DTNA: variants seen among roughly 807,000 people sequenced by gnomAD.
DTNA encodes the protein dystrobrevin alpha.
In DTNA, 43 loss-of-function variants were observed where a neutral mutation model predicts 100.7. The ratio of observed to expected loss-of-function variants is 0.43; its 90% CI spans 0.33 to 0.55. The LOEUF is 0.55. DTNA is among the 20% of genes least tolerant of loss of function. The probability of loss-of-function intolerance (pLI) is 0.04; values close to 1 mark genes in which losing one functional copy is unlikely to be tolerated. For missense variants in DTNA, 798 were observed against 953.9 expected, an observed-to-expected ratio of 0.84 and a Z score of 2.15; for synonymous variants, 349 against 347.9, an observed-to-expected ratio of 1.00 and a Z score of -0.04.
At chr18:34,743,936 T>A (rs2091153237) in intron 1 of DTNA, among the ~76,000 whole-genome samples, 1 of 151,852 alleles carries the variant, frequency 6.6e-6, no homozygotes, top group Admixed American at 6.6e-5. Context: ...CTTCCTTATC[T>A]CAAAAGACGC....
chr18:34,623,993 C>A (rs2056939697), intron 1 of DTNA, among the ~76,000 whole-genome samples: 1 of 152,124 alleles, frequency 6.6e-6, no homozygotes, highest in Non-Finnish European at 1.5e-5. Flanking sequence ...ATGGCAGATG[C>A]TTCTGATAAG....
intron 3 of DTNA, among the ~76,000 whole-genome samples, chr18:34,788,346 A>G (rs1310898187): frequency 6.6e-6 from 1 of 152,230 alleles, no homozygotes; most frequent in Non-Finnish European, 1.5e-5. Flanking sequence ...TAACTAATGT[A>G]TACTGAATGC....
At chr18:34,763,154 T>C (rs1259651050) in intron 2 of DTNA, among the ~76,000 whole-genome samples, 1 of 152,212 alleles carries the variant, frequency 6.6e-6, no homozygotes, top group Non-Finnish European at 1.5e-5. Flanking sequence ...TGTTTTCTTT[T>C]AAGTGATTAT....
At position 34,640,405 on chromosome 18, in the gene DTNA, C is replaced by T. The variant is rs1232248471; in HGVS notation, c.-1-115571C>T. ...CTGGCTTTACTCTGTATTGATGCTC[C>T]AGGTCCAATAGCTGACCCTTGTTGT... On this transcript the variant is annotated intron_variant, in intron 1 of 19. Coordinates refer to the DTNA transcript ENST00000283365. Among the ~76,000 whole-genome samples, 9 of 152,300 alleles carry T rather than the reference C, an allele frequency of 5.9e-5. No homozygotes were observed. In the East Asian group the frequency reaches 9.6e-4, roughly 16 times the overall value.
intron 1 of DTNA, among the ~76,000 whole-genome samples, chr18:34,715,127 C>G (rs1054810076): frequency 4.6e-5 from 7 of 151,448 alleles, no homozygotes; most frequent in African/African-American, 1.7e-4. Context: ...TTAGTGGGTG[C>G]AGCACACCAG....
intron 1 of DTNA, among the ~76,000 whole-genome samples, chr18:34,619,841 T>C (rs887565409): frequency 2.6e-5 from 4 of 152,148 alleles, no homozygotes; most frequent in Non-Finnish European, 5.9e-5. Context: ...CTATGAGCAG[T>C]ATGAGTTATC....
At chr18:34,723,922 GAA>G (rs370399697) in intron 1 of DTNA, among the ~76,000 whole-genome samples, 1 of 150,034 alleles carries the variant, frequency 6.7e-6, no homozygotes, top group East Asian at 2.0e-4. Flanking sequence ...AAGAAAGAAA[GAA>G]AAAAAAACTA....
intron 1 of DTNA, among the ~76,000 whole-genome samples, chr18:34,555,329 C>G (rs980054290): frequency 2.0e-5 from 3 of 149,208 alleles, no homozygotes; most frequent in Non-Finnish European, 4.4e-5. Flanking sequence ...AAAACCAGCT[C>G]CTGGATTCAT....
chr18:34,770,871 C>T (rs1489344901), intron 3 of DTNA, among the ~76,000 whole-genome samples: 3 of 149,674 alleles, frequency 2.0e-5, no homozygotes, highest in Admixed American at 6.7e-5. Context: ...CAACCTCTGC[C>T]TCCTGGATTC....
chr18:34,877,417 C>A (rs577238728), intron 18 of DTNA, among the ~76,000 whole-genome samples: 25 of 152,184 alleles, frequency 1.6e-4, no homozygotes, highest in Non-Finnish European at 3.4e-4. Flanking sequence ...CCCAGTTTTG[C>A]CAGGTCAGCC....
intron 11 of DTNA, among the ~76,000 whole-genome samples, chr18:34,835,248 T>C (rs1406279515): frequency 6.6e-6 from 1 of 152,202 alleles, no homozygotes; most frequent in East Asian, 1.9e-4. Flanking sequence ...TTAAGAGCTA[T>C]AGCAAAACAA....
Position 34,617,596 on chromosome 18 carries a change from C to T in DTNA, c.-2+124082C>T, listed in dbSNP as rs182694758. Among the ~76,000 whole-genome samples the T allele has an allele frequency of 4.5e-3, 683 of 152,044 alleles. 4 individuals carry two copies. The highest frequency in any genetic ancestry group is 6.8e-3 in the Middle Eastern group (2 of 294). ...TGGCATGACATTTTCTTTTTTGTTG[C>T]GTCTTTGCCAGGTTTTGGTATCACG... On this transcript the variant is annotated intron_variant, in intron 1 of 19. Coordinates refer to the DTNA transcript ENST00000283365.
At chr18:34,778,581 A>G (rs544769268) in intron 3 of DTNA, among the ~76,000 whole-genome samples, 1 of 152,246 alleles carries the variant, frequency 6.6e-6, no homozygotes, top group Non-Finnish European at 1.5e-5. Context: ...TTCTGCACTC[A>G]TTAATTTTTT....
intron 9 of DTNA, among the ~76,000 whole-genome samples, chr18:34,826,206 G>C (rs2095854793): frequency 6.6e-6 from 1 of 152,076 alleles, no homozygotes; most frequent in African/African-American, 2.4e-5. Context: ...AAAAAGTTTT[G>C]ATGAATTTGT....
At chr18:34,637,974 A>C (rs543160093) in intron 1 of DTNA, among the ~76,000 whole-genome samples, 6 of 152,324 alleles carry the variant, frequency 3.9e-5, no homozygotes, top group Middle Eastern at 3.4e-3. Flanking sequence ...TCTCCTCTTC[A>C]CATTGGAAAG....
At chr18:34,761,057 A>G (rs2093125027) in intron 2 of DTNA, among the ~76,000 whole-genome samples, 1 of 150,242 alleles carries the variant, frequency 6.7e-6, no homozygotes, top group Non-Finnish European at 1.5e-5. Context: ...TTACCCCCAA[A>G]CTCCTTTATC....
Position 34,889,887 on chromosome 18 carries a change from C to T in DTNA, c.*2153C>T. 1.0e-6 allele frequency: 1 copy of T among 1,001,616 alleles called. No homozygotes were observed. The highest frequency in any genetic ancestry group is 1.2e-6 in the Non-Finnish European group (1 of 840,024). The allele number at this position is 1,001,616 out of a possible 1,614,324, so 62.0% of individuals were successfully genotyped here. ...TTTGTTGGGGTGTCTTAATGTTCATCTCTTTTCCACTGCCCATCCTCTGTG... is the reference window on the plus strand; with the variant it reads ...TTTGTTGGGGTGTCTTAATGTTCATTTCTTTTCCACTGCCCATCCTCTGTG... On this transcript the variant is annotated 3_prime_UTR_variant, in exon 23 of 23. Transcript: ENST00000444659.
intron 1 of DTNA, among the ~76,000 whole-genome samples, chr18:34,712,474 G>C (rs2083095865): frequency 6.6e-6 from 1 of 152,112 alleles, no homozygotes; most frequent in Non-Finnish European, 1.5e-5. Context: ...AGAGCTACAA[G>C]TGTGTAAAAA....
At chr18:34,583,599 T>A (rs2048841442) in intron 1 of DTNA, among the ~76,000 whole-genome samples, 1 of 150,810 alleles carries the variant, frequency 6.6e-6, no homozygotes, top group African/African-American at 2.5e-5. Flanking sequence ...TTTTTTTTTT[T>A]AATGGAAATG....
Sources: gnomAD v4.1 joint callset for allele counts (sites outside exome capture counted in the v4.1 genomes callset) on GRCh38, gnomAD v4.1.1 for gene constraint, MANE v1.5 for transcripts, NCBI Gene and HGNC (gene_info 2026-07-23, HGNC 2026-07-21) for gene names.